The following CDH12 variants were observed in gnomAD, a reference collection of about 807,000 sequenced individuals.
CDH12 encodes cadherin-12.
Under a neutral mutation model 74.1 loss-of-function variants are expected in CDH12, and 41 were observed. That is an observed-to-expected ratio of 0.55 (90% CI 0.43 to 0.72). The LOEUF is 0.72. Among genes scored for constraint, CDH12 ranks in the 30% least tolerant of loss-of-function variants. CDH12 has a pLI of 0.00. For synonymous variants in CDH12, 399 were observed against 355.0 expected, an observed-to-expected ratio of 1.12 and a Z score of -1.39; for missense variants, 945 against 977.2, an observed-to-expected ratio of 0.97 and a Z score of 0.44.
At chr5:22,569,898 C>T (rs1225484328) in intron 1 of CDH12, among the ~76,000 whole-genome samples, 4 of 152,132 alleles carry the variant, frequency 2.6e-5, no homozygotes, top group Non-Finnish European at 4.4e-5. Context: ...TTTTGACCTC[C>T]TCCCATCAAT....
At chr5:22,345,503 T>A (rs1315095423) in intron 3 of CDH12, among the ~76,000 whole-genome samples, 1 of 152,204 alleles carries the variant, frequency 6.6e-6, no homozygotes, top group Non-Finnish European at 1.5e-5. Flanking sequence ...TGGTCAGAAC[T>A]TGATGTAAGT....
At chr5:21,920,571 A>G (rs1439824516) in intron 6 of CDH12, among the ~76,000 whole-genome samples, 1 of 151,750 alleles carries the variant, frequency 6.6e-6, no homozygotes, top group Non-Finnish European at 1.5e-5. Flanking sequence ...ATAAATACCT[A>G]ATGTATATGA....
At chr5:22,745,867 CAT>C (rs914995728) in intron 1 of CDH12, among the ~76,000 whole-genome samples, 1 of 152,048 alleles carries the variant, frequency 6.6e-6, no homozygotes, top group Non-Finnish European at 1.5e-5. Flanking sequence ...CACCATGACA[CAT>C]GTTTATCTAT....
chr5:22,526,091 T>G (rs1737263713), intron 1 of CDH12, among the ~76,000 whole-genome samples: 1 of 152,156 alleles, frequency 6.6e-6, no homozygotes, highest in Non-Finnish European at 1.5e-5. Context: ...ATTTCTTCAC[T>G]AATATGAAAA....
chr5:22,346,105 C>CAAA (rs5866560), intron 3 of CDH12, among the ~76,000 whole-genome samples: 7 of 101,616 alleles, frequency 6.9e-5, no homozygotes, highest in South Asian at 3.0e-4. Flanking sequence ...GACTTCATCT[C>CAAA]AAAAAAAAAA....
intron 14 of CDH12, among the ~76,000 whole-genome samples, chr5:21,753,566 C>T (rs985775949): frequency 2.0e-5 from 3 of 152,200 alleles, no homozygotes; most frequent in Non-Finnish European, 2.9e-5. Context: ...CTTTCTCTCA[C>T]CCCACAAAGG....
At chr5:22,244,619 G>C (rs1470802558) in intron 3 of CDH12, among the ~76,000 whole-genome samples, 1 of 132,038 alleles carries the variant, frequency 7.6e-6, no homozygotes, top group Non-Finnish European at 1.6e-5. Context: ...AGGAAGGAGG[G>C]AGGGAAGGAA....
intron 1 of CDH12, among the ~76,000 whole-genome samples, chr5:22,733,712 G>A (rs12521618): frequency 0.094 from 14,344 of 151,848 alleles, 897 homozygotes; most frequent in Admixed American, 0.16. Flanking sequence ...TAAAAATATC[G>A]TTATAAGGTA....
intron 2 of CDH12, among the ~76,000 whole-genome samples, chr5:22,424,731 C>G (rs1743819844): frequency 6.6e-6 from 1 of 152,076 alleles, no homozygotes; most frequent in South Asian, 2.1e-4. Flanking sequence ...ATGCCTTGCT[C>G]TACCTTATAT....
At chr5:22,293,100 C>T (rs912234552) in intron 3 of CDH12, among the ~76,000 whole-genome samples, 5 of 152,166 alleles carry the variant, frequency 3.3e-5, no homozygotes, top group African/African-American at 7.2e-5. Flanking sequence ...AAACCCACGT[C>T]TGTTCCTTAT....
chr5:21,924,705 A>C (rs1754511331), intron 6 of CDH12, among the ~76,000 whole-genome samples: 1 of 152,176 alleles, frequency 6.6e-6, no homozygotes, highest in African/African-American at 2.4e-5. Context: ...TTAATGTCTT[A>C]CTACTGTTGG....
At chr5:22,352,001 A>C (rs568337639) in intron 3 of CDH12, among the ~76,000 whole-genome samples, 1 of 152,192 alleles carries the variant, frequency 6.6e-6, no homozygotes, top group Non-Finnish European at 1.5e-5. Flanking sequence ...GTCATATCAA[A>C]TTTAATTTTT....
At chr5:21,935,528 A>G (rs1001377577) in intron 6 of CDH12, among the ~76,000 whole-genome samples, 1 of 152,192 alleles carries the variant, frequency 6.6e-6, no homozygotes, top group South Asian at 2.1e-4. Context: ...TGATACATGC[A>G]TAATAATCAC....
intron 3 of CDH12, among the ~76,000 whole-genome samples, chr5:22,264,663 A>G (rs1753643849): frequency 6.6e-6 from 1 of 152,184 alleles, no homozygotes; most frequent in African/African-American, 2.4e-5. Context: ...AGCAGCTTTG[A>G]ACCTTTGAAG....
At chr5:22,761,727 A>G (rs1746237355) in intron 1 of CDH12, among the ~76,000 whole-genome samples, 2 of 152,270 alleles carry the variant, frequency 1.3e-5, no homozygotes, top group Admixed American at 6.5e-5. Context: ...GACACCTTAA[A>G]TGGTGATTTA....
chr5:21,760,377 C>T (rs1043820147), intron 13 of CDH12, among the ~76,000 whole-genome samples, 181 bp downstream of exon 13: 2 of 152,126 alleles, frequency 1.3e-5, no homozygotes, highest in African/African-American at 4.8e-5. Flanking sequence ...ACCTGCCTTA[C>T]TAGACAGTCT....
chr5:22,596,730 A>G (rs1423422062), intron 1 of CDH12, among the ~76,000 whole-genome samples: 3 of 152,162 alleles, frequency 2.0e-5, no homozygotes, highest in African/African-American at 7.2e-5. Flanking sequence ...GAATTTACTA[A>G]TTTACAGGCT....
At chr5:22,722,078 T>G (rs1743927296) in intron 1 of CDH12, among the ~76,000 whole-genome samples, 1 of 152,196 alleles carries the variant, frequency 6.6e-6, no homozygotes, top group Non-Finnish European at 1.5e-5. Flanking sequence ...TCTCTTTGGC[T>G]ACACCCTCAG....
intron 1 of CDH12, among the ~76,000 whole-genome samples, chr5:22,668,382 C>A (rs1023958001): frequency 3.9e-5 from 6 of 151,988 alleles, no homozygotes; most frequent in African/African-American, 7.2e-5. Flanking sequence ...TTTTTTAAAT[C>A]TCTTTTGTTA....
Sources: gnomAD v4.1 joint callset for allele counts (sites outside exome capture counted in the v4.1 genomes callset) on GRCh38, gnomAD v4.1.1 for gene constraint, MANE v1.5 for transcripts, NCBI Gene and HGNC (gene_info 2026-07-23, HGNC 2026-07-21) for gene names.